The following RNF103 variants were observed in gnomAD, a reference collection of about 807,000 sequenced individuals.
RNF103 encodes the protein ring finger protein 103.
A neutral mutation model predicts 66.2 loss-of-function variants in RNF103; 23 were observed. The observed-to-expected ratio is 0.35, with a 90% confidence interval of 0.25 to 0.49. The LOEUF (loss-of-function observed/expected upper bound fraction) is 0.49, where lower values mean the gene tolerates loss of function less well. RNF103 is among the 20% of genes least tolerant of loss of function. The pLI is 0.98. For missense variants in RNF103, 730 were observed against 814.7 expected (o/e 0.90, Z 1.27); for synonymous variants, 297 against 289.9 (o/e 1.02, Z -0.25).
chr2:86,613,439 A>G (rs1678880985), intron 2 of RNF103: 1 of 152,216 alleles, frequency 6.6e-6, no homozygotes, highest in Non-Finnish European at 1.5e-5. Flanking sequence ...GGAAAGCCAA[A>G]AATGTCTAAA....
At chr2:86,609,956 C>T (rs577652243) in intron 3 of RNF103, among the ~76,000 whole-genome samples, 1 of 152,312 alleles carries the variant, frequency 6.6e-6, no homozygotes, top group East Asian at 1.9e-4. Flanking sequence ...TTACACCCTG[C>T]ATTGAAATTC....
At position 86,623,024 on chromosome 2, in the gene RNF103, C is replaced by G. The variant is rs1259422875; in HGVS notation, c.-138G>C. On this transcript the variant is annotated 5_prime_UTR_variant, in exon 1 of 4. Transcript: ENST00000237455. ...CGGGCCACCCGGCGCCGTCACTGGCCGGCCATCCCCGGCGGGGAAGCAGGT... is the reference window on the plus strand; with the variant it reads ...CGGGCCACCCGGCGCCGTCACTGGCGGGCCATCCCCGGCGGGGAAGCAGGT... The G allele has an allele frequency of 3.7e-6, 5 of 1,352,388 alleles. No homozygotes were observed. The highest frequency in any genetic ancestry group is 4.7e-6 in the Non-Finnish European group (5 of 1,058,454). The allele number at this position is 1,352,388 out of a possible 1,614,324, so 83.8% of individuals were successfully genotyped here.
intron 2 of RNF103, among the ~76,000 whole-genome samples, chr2:86,618,929 A>T (rs116552015): frequency 7.9e-5 from 12 of 152,316 alleles, no homozygotes; most frequent in African/African-American, 2.6e-4. Flanking sequence ...TATAGACTAC[A>T]CTCATACTCT....
intron 2 of RNF103, among the ~76,000 whole-genome samples, chr2:86,615,700 G>C (rs1678992180): frequency 6.6e-6 from 1 of 151,908 alleles, no homozygotes; most frequent in Non-Finnish European, 1.5e-5. Flanking sequence ...ACTGTATGTG[G>C]GGAACATTTT....
Position 86,620,319 on chromosome 2 carries a change from G to A in RNF103, c.366+11C>T. The A allele has an allele frequency of 6.3e-7, 1 of 1,582,488 alleles. No homozygotes were observed. The highest frequency in any genetic ancestry group is 8.6e-7 in the Non-Finnish European group (1 of 1,159,364). On this transcript the variant is annotated intron_variant, in intron 2 of 3. Transcript: ENST00000237455. ...GCTCTCGAATTATCAAATTATTACT[G>A]CTTTTCATACCTGAACCAGCCAGAT...
chr2:86,612,076 C>G (rs978005363), intron 3 of RNF103, 83 bp downstream of exon 3: 16 of 798,326 alleles, frequency 2.0e-5, no homozygotes, highest in Non-Finnish European at 3.3e-5. Context: ...TCAGTTCAAG[C>G]AGGCTTCTAG....
intron 2 of RNF103, among the ~76,000 whole-genome samples, chr2:86,619,340 A>G (rs1679138542): frequency 6.6e-6 from 1 of 152,158 alleles, no homozygotes; most frequent in South Asian, 2.1e-4. Flanking sequence ...CCTGAATCAA[A>G]CTTTGCCCAC....
intron 3 of RNF103, among the ~76,000 whole-genome samples, chr2:86,608,510 A>G (rs943350865): frequency 2.0e-5 from 3 of 149,336 alleles, no homozygotes; most frequent in Non-Finnish European, 4.5e-5. Context: ...AAAAAAAAAA[A>G]GGAAGAAAGG....
chr2:86,623,856 G>C lies in RNF103; in HGVS notation c.-970C>G. ...ATCAGCGGCGGCCGCGGCCGGAGCC[G>C]AGACATAACAACTGACGTCGCGATG... On this transcript the variant is annotated 5_prime_UTR_variant, in exon 1 of 4. Transcript: ENST00000237455. 7.8e-7 allele frequency: 1 copy of C among 1,287,892 alleles called. No individual in the cohort carries two copies. The highest frequency in any genetic ancestry group is 1.0e-6 in the Non-Finnish European group (1 of 988,278). The allele number at this position is 1,287,892 out of a possible 1,614,324, so 79.8% of individuals were successfully genotyped here.
chr2:86,622,847 C>A lies in RNF103; in HGVS notation c.40G>T (p.Val14Phe). The stretch of plus-strand genomic sequence containing the variant: ...AAAAACCTGGCCAGGACGAACAGGA[C>A]CAGGAAATAGAGGAGCAAGAAAAAA... The part of the protein sequence containing the change: ...KLFFLLLYFL[V>F]LFVLARFFEA... The change falls in exon 1 of 4, where the codon GTC becomes TTC. Residue 14 changes from valine (V) to phenylalanine (F), a missense_variant. Transcript: ENST00000237455. The A allele has an allele frequency of 1.2e-6, 2 of 1,613,684 alleles. No individual in the cohort carries two copies. Among genetic ancestry groups the A allele is most frequent in the Non-Finnish European group, 1.7e-6 (2 of 1,179,792 alleles).
chr2:86,604,568 CATT>C lies in RNF103; in HGVS notation c.1330_1332del (p.Asn444del), dbSNP rs772475695. On this transcript the variant is annotated inframe_deletion, in exon 4 of 4. Transcript: ENST00000237455. The stretch of plus-strand genomic sequence containing the variant: ...TCTAAGTTATTGGCATTGACTTCAT[CATT>C]GTTGTTGTTGCGCCTTCTCTTCTTC... 6.2e-5 allele frequency: 100 copies of C among 1,614,182 alleles called. No homozygotes were observed. The Middle Eastern group carries it at 2.1e-3, about 35-fold the overall frequency.
chr2:86,623,835 G>A lies in RNF103; in HGVS notation c.-949C>T. Reference sequence around the variant, plus strand: ...CCGTACCCTCCACAACCGTGTATCAGCGGCGGCCGCGGCCGGAGCCGAGAC... The same window carrying A: ...CCGTACCCTCCACAACCGTGTATCAACGGCGGCCGCGGCCGGAGCCGAGAC... On this transcript the variant is annotated 5_prime_UTR_variant, in exon 1 of 4. Transcript: ENST00000237455. The A allele has an allele frequency of 3.1e-6, 4 of 1,288,092 alleles. No homozygotes were observed. The highest frequency in any genetic ancestry group is 4.0e-6 in the Non-Finnish European group (4 of 988,376). The allele number at this position is 1,288,092 out of a possible 1,614,324, so 79.8% of individuals were successfully genotyped here.
At position 86,603,796 on chromosome 2, in the gene RNF103, G is replaced by C. The variant is rs143128520; in HGVS notation, c.*47C>G. On this transcript the variant is annotated 3_prime_UTR_variant, in exon 4 of 4. Coordinates refer to ENST00000237455, the MANE Select transcript of RNF103 (RefSeq NM_005667.4). ...AAACATTGTGACTAACATTAAAAAG[G>C]CAAGCTGTAAGATACTCAAAGCTTA... 8 of 1,541,380 alleles carry C rather than the reference G, an allele frequency of 5.2e-6. No homozygotes were observed. The African/African-American group carries it at 8.3e-5, about 16-fold the overall frequency.
At chr2:86,617,196 C>G in intron 2 of RNF103, 4 of 984,634 alleles carry the variant, frequency 4.1e-6, no homozygotes, top group Non-Finnish European at 4.8e-6. Flanking sequence ...TAACATGGAC[C>G]TGGAAAAGCT....
rs200139140 is a variant in RNF103, at chr2:86,620,291, A to T, written c.366+39T>A. 493 of 1,538,122 alleles carry T rather than the reference A, an allele frequency of 3.2e-4. 4 individuals are homozygous for T. In the African/African-American group the frequency reaches 6.1e-3, roughly 19 times the overall value. On this transcript the variant is annotated intron_variant, in intron 2 of 3. Coordinates refer to ENST00000237455, the MANE Select transcript of RNF103 (RefSeq NM_005667.4). ...CTATTTTGGTAAAAATAATTTTTTT[A>T]GGGCTCTCGAATTATCAAATTATTA...
At chr2:86,617,354 TCTGCAGTCAA>T (rs1679060083) in intron 2 of RNF103, 3 of 972,852 alleles carry the variant, frequency 3.1e-6, no homozygotes, top group South Asian at 4.8e-5. Flanking sequence ...AGTTTCACTT[TCTGCAGTCAA>T]CTGCAGTCCG....
At position 86,604,500 on chromosome 2, in the gene RNF103, G is replaced by T; in HGVS notation, c.1401C>A (p.Phe467Leu). 1 of 1,614,236 alleles carries T rather than the reference G, an allele frequency of 6.2e-7. No individual in the cohort carries two copies. Among genetic ancestry groups the T allele is most frequent in the South Asian group, 1.1e-5 (1 of 91,082 alleles). Residue 467 changes from phenylalanine to leucine, a missense_variant, in exon 4 of 4, where the codon TTC becomes TTA. By Grantham distance (22) the Phe-to-Leu change is conservative. This residue lies in a region of RNF103 where 355 missense variants were observed against 351.9 expected (regional missense o/e 1.01). Coordinates refer to ENST00000237455, the MANE Select transcript of RNF103 (RefSeq NM_005667.4). The stretch of plus-strand genomic sequence containing the variant: ...AGTTCTGAAAAGAAGCAATCGGGTG[G>T]AAGAGGTAGCTGGTGTACCAGTCCC... ...SLWDWYTSYL[F>L]HPIASFQNFP... is the part of the protein sequence containing the mutation.
chr2:86,605,606 C>CT lies in RNF103; in HGVS notation c.483-189dup, dbSNP rs75524849. On this transcript the variant is annotated intron_variant, in intron 3 of 3. Coordinates refer to ENST00000237455, the MANE Select transcript of RNF103 (RefSeq NM_005667.4). ...TAGTTTGTTTTGTATTTCTGTGTTTCTTTTTTTTTTATTAAATAAAGTGTA... is the reference window on the plus strand; with the variant it reads ...TAGTTTGTTTTGTATTTCTGTGTTTCTTTTTTTTTTTATTAAATAAAGTGTA... 3.6e-3 allele frequency among the ~76,000 whole-genome samples: 527 copies of CT among 146,562 alleles called. 3 individuals are homozygous for CT. The highest frequency in any genetic ancestry group is 0.01 in the African/African-American group (420 of 40,478).
rs933338852 is a variant in RNF103, at chr2:86,623,171, A to G, written c.-285T>C. ...GAAAAACTCAAAACCCCCATCCATT[A>G]AGCACAGAAAGGAGAGGGGCGCGGG... On this transcript the variant is annotated 5_prime_UTR_variant, in exon 1 of 4. Transcript: ENST00000237455. 6 of 1,084,322 alleles carry G rather than the reference A, an allele frequency of 5.5e-6. No individual in the cohort carries two copies. Among genetic ancestry groups the G allele is most frequent in the Non-Finnish European group, 6.7e-6 (6 of 896,246 alleles). 67.2% of individuals were successfully genotyped at this position (1,084,322 alleles called of 1,614,324 possible). A position where few individuals can be genotyped will look rare whatever the true frequency, so the allele number is the denominator to read the frequency against.
Sources: gnomAD v4.1 joint callset for allele counts (sites outside exome capture counted in the v4.1 genomes callset) on GRCh38, gnomAD v4.1.1 for gene constraint, gnomAD v4.1.1 regional missense constraint, MANE v1.5 for transcripts, NCBI Gene and HGNC (gene_info 2026-07-23, HGNC 2026-07-21) for gene names.